The following CIT variants were observed in gnomAD, a reference collection of about 807,000 sequenced individuals.
CIT encodes citron rho-interacting serine/threonine kinase, also known as citron Rho-interacting kinase.
In CIT, 79 loss-of-function variants were observed where a neutral mutation model predicts 272.7. The observed-to-expected ratio is 0.29, with a 90% CI of 0.24 to 0.35. CIT has a LOEUF of 0.35. Among genes scored for constraint, CIT ranks in the 10% least tolerant of loss-of-function variants. The pLI is 1.00. For synonymous variants in CIT, 948 were observed against 995.6 expected (o/e 0.95, Z 0.90); for missense variants, 1,909 against 2,618.3 (o/e 0.73, Z 5.91).
At chr12:119,875,864 T>C (rs937003945) in intron 2 of CIT, among the ~76,000 whole-genome samples, 1 of 152,156 alleles carries the variant, frequency 6.6e-6, no homozygotes, top group African/African-American at 2.4e-5. Flanking sequence ...GGCAGGCGGC[T>C]GTAGTCCCAG....
intron 43 of CIT, 173 bp from the exon 44 acceptor site, chr12:119,700,998 A>G (rs563212075): frequency 4.2e-5 from 17 of 404,318 alleles, no homozygotes; most frequent in African/African-American, 3.5e-4. Context: ...ATTAAAAATG[A>G]GGGACTTTTT....
chr12:119,709,378 G>A (rs555526313), intron 39 of CIT, among the ~76,000 whole-genome samples: 21 of 151,900 alleles, frequency 1.4e-4, no homozygotes, highest in Admixed American at 8.5e-4. Flanking sequence ...TGGTAGTGGG[G>A]GAGGCTATGC....
intron 18 of CIT, 52 bp from the exon 19 acceptor site, chr12:119,767,234 A>G: frequency 7.5e-7 from 1 of 1,339,738 alleles, no homozygotes; most frequent in Middle Eastern, 2.0e-4. Context: ...GACACCGCCA[A>G]TGCACGTTAG....
intron 2 of CIT, among the ~76,000 whole-genome samples, chr12:119,872,481 C>T (rs991951688): frequency 1.3e-5 from 2 of 152,216 alleles, no homozygotes. Context: ...AGCATCCTTA[C>T]CTGATAACTC....
chr12:119,840,317 C>T (rs1299611853), intron 5 of CIT, among the ~76,000 whole-genome samples: 1 of 152,012 alleles, frequency 6.6e-6, no homozygotes, highest in Non-Finnish European at 1.5e-5. Context: ...GACTCTGTCT[C>T]GAAAAAAGAA....
At chr12:119,726,621 C>T (rs73414106) in intron 28 of CIT, among the ~76,000 whole-genome samples, 3,705 of 152,174 alleles carry the variant, frequency 0.024, 153 homozygotes, top group African/African-American at 0.084. Flanking sequence ...ATGGGTATCA[C>T]GTGACAAAAC....
intron 7 of CIT, among the ~76,000 whole-genome samples, chr12:119,831,666 G>C (rs1188074188): frequency 1.3e-5 from 2 of 152,150 alleles, no homozygotes; most frequent in Admixed American, 1.3e-4. Flanking sequence ...TCAGGAGATC[G>C]AGACCATCCT....
In CIT at chr12:119,875,534, A is replaced by C. The variant is rs962835808; in HGVS notation, c.96+539T>G. Among the ~76,000 whole-genome samples, 3 of 152,050 alleles carry C rather than the reference A, an allele frequency of 2.0e-5. No homozygotes were observed. In the East Asian group the frequency reaches 5.8e-4, roughly 29 times the overall value. On this transcript the variant is annotated intron_variant, in intron 2 of 47. Transcript: ENST00000392521. ...CAAGGCAAGAGGCTCACTTGAAGTC[A>C]GGTGTTCTATATCAGCCTGGGCAAC...
chr12:119,702,068 G>T, intron 41 of CIT, 110 bp from the exon 42 acceptor site: 1 of 774,150 alleles, frequency 1.3e-6, no homozygotes, highest in South Asian at 1.6e-5. Context: ...GGAGAACATT[G>T]TCACCAAGCT....
intron 28 of CIT, among the ~76,000 whole-genome samples, chr12:119,723,692 G>T (rs1957932643): frequency 6.6e-6 from 1 of 152,194 alleles, no homozygotes; most frequent in Non-Finnish European, 1.5e-5. Context: ...AAAAACTTCA[G>T]TAGGGCGGTA....
chr12:119,767,613 C>T (rs1034124232), intron 18 of CIT, among the ~76,000 whole-genome samples: 8 of 152,142 alleles, frequency 5.3e-5, no homozygotes, highest in Non-Finnish European at 7.4e-5. Flanking sequence ...TCCTCATTAA[C>T]AGAATTATTG....
At chr12:119,790,088 G>T (rs1965183431) in intron 10 of CIT, among the ~76,000 whole-genome samples, 1 of 152,036 alleles carries the variant, frequency 6.6e-6, no homozygotes, top group Non-Finnish European at 1.5e-5. Context: ...GCTGATAATT[G>T]CATTATGCTA....
chr12:119,817,521 T>C (rs1967303554), intron 9 of CIT, among the ~76,000 whole-genome samples: 1 of 151,602 alleles, frequency 6.6e-6, no homozygotes, highest in Non-Finnish European at 1.5e-5. Context: ...CAAAAAAAAA[T>C]CAAGCACATG....
At chr12:119,787,139 AT>A (rs1295424454) in intron 10 of CIT, among the ~76,000 whole-genome samples, 1 of 151,676 alleles carries the variant, frequency 6.6e-6, no homozygotes, top group Non-Finnish European at 1.5e-5. Flanking sequence ...TGATTTTTGT[AT>A]TTTTTGTAGA....
chr12:119,754,054 T>C (rs1960626026), intron 22 of CIT, among the ~76,000 whole-genome samples: 1 of 152,134 alleles, frequency 6.6e-6, no homozygotes, highest in Admixed American at 6.5e-5. Flanking sequence ...CTCTCTCTAG[T>C]GATGATGGTG....
chr12:119,690,130 G>A lies in CIT; in HGVS notation c.6186+21C>T. ...TCCTGGCCTCCGCAACAGACACACA[G>A]GCCTCGGAATGCTGCCTCACCTTGT... On this transcript the variant is annotated intron_variant, in intron 47 of 47. Coordinates refer to ENST00000392521, the MANE Select transcript of CIT (RefSeq NM_001206999.2). This position sits in a 1 kb window ranked among gnomAD's most constrained non-coding sequence, Gnocchi z 6.0. The A allele has an allele frequency of 6.9e-7, 1 of 1,452,424 alleles. No homozygotes were observed. Among genetic ancestry groups the A allele is most frequent in the Non-Finnish European group, 9.0e-7 (1 of 1,110,496 alleles). 90.0% of individuals were successfully genotyped at this position (1,452,424 alleles called of 1,614,324 possible).
In CIT at chr12:119,690,168, G is replaced by A. The variant is rs771406505; in HGVS notation, c.6169C>T (p.Leu2057=). 6.7e-7 allele frequency: 1 copy of A among 1,481,790 alleles called. No individual in the cohort carries two copies. The highest frequency in any genetic ancestry group is 1.5e-5 in the South Asian group (1 of 68,540). 91.8% of individuals were successfully genotyped at this position (1,481,790 alleles called of 1,614,324 possible). The change falls in exon 47 of 48, where the codon CTG becomes TTG. Residue 2057 remains leucine, a synonymous_variant. Transcript: ENST00000392521. The surrounding 1 kb of genome is among the most constrained non-coding windows in gnomAD (Gnocchi z 6.0). The part of the protein sequence containing the change: ...RLPAGAVRTP[L]SQVNKVWDQS... ...TGCCTCACCTTGTTCACCTGGGACA[G>A]CGGGGTCCTCACGGCTCCCGCAGGC...
intron 9 of CIT, among the ~76,000 whole-genome samples, chr12:119,820,626 C>A (rs916573282): frequency 3.9e-5 from 6 of 152,032 alleles, no homozygotes; most frequent in African/African-American, 1.4e-4. Context: ...CTCTTCCATA[C>A]TATCTTTGCA....
At chr12:119,744,539 G>T (rs1959181032) in intron 23 of CIT, among the ~76,000 whole-genome samples, 1 of 151,652 alleles carries the variant, frequency 6.6e-6, no homozygotes, top group Non-Finnish European at 1.5e-5. Flanking sequence ...TGGCTAACAG[G>T]ATGGTCTCTA....
Sources: gnomAD v4.1 joint callset for allele counts (sites outside exome capture counted in the v4.1 genomes callset) on GRCh38, gnomAD v4.1.1 for gene constraint, Gnocchi (gnomAD v3.1) non-coding constraint, MANE v1.5 for transcripts, NCBI Gene and HGNC (gene_info 2026-07-23, HGNC 2026-07-21) for gene names.